Variants in CRYGN observed in about 807,000 individuals in gnomAD.
CRYGN encodes the protein crystallin gamma N.
In CRYGN, 17 loss-of-function variants were observed where a neutral mutation model predicts 19.2. That is an observed-to-expected ratio of 0.89 (90% CI 0.61 to 1.33). CRYGN has a LOEUF of 1.33. Among genes scored for constraint, CRYGN ranks in the 40% most tolerant of loss-of-function variants. The pLI is 0.00. For missense variants in CRYGN, 239 were observed against 239.6 expected (o/e 1.00, Z 0.02); for synonymous variants, 84 against 85.8 (o/e 0.98, Z 0.12).
At position 151,440,069 on chromosome 7, in the gene CRYGN, C is replaced by T; in HGVS notation, c.-152G>A. 2 of 1,360,426 alleles carry T rather than the reference C, an allele frequency of 1.5e-6. No individual in the cohort carries two copies. The highest frequency in any genetic ancestry group is 1.9e-6 in the Non-Finnish European group (2 of 1,060,394). 84.3% of individuals were successfully genotyped at this position (1,360,426 alleles called of 1,614,324 possible). Reference sequence around the variant, plus strand: ...CCGAGGGGCCACCAGGCGGTTGGGACCCGCCGCGGCCACCCTGTGCCACCG... The same window carrying T: ...CCGAGGGGCCACCAGGCGGTTGGGATCCGCCGCGGCCACCCTGTGCCACCG... On this transcript the variant is annotated 5_prime_UTR_variant, in exon 1 of 4. Coordinates refer to ENST00000337323, the MANE Select transcript of CRYGN (RefSeq NM_144727.3).
At chr7:151,437,844 G>T (rs1196141798) in intron 2 of CRYGN, 152 bp downstream of exon 2, 2 of 1,507,126 alleles carry the variant, frequency 1.3e-6, no homozygotes, top group Non-Finnish European at 1.8e-6. Flanking sequence ...CTCACCTCAT[G>T]CCAGCAGGTG....
chr7:151,430,058 G>T lies in CRYGN; in HGVS notation c.539C>A (p.Ala180Glu), dbSNP rs1269372723. 2 of 1,111,566 alleles carry T rather than the reference G, an allele frequency of 1.8e-6. No individual in the cohort carries two copies. The highest frequency in any genetic ancestry group is 2.8e-6 in the Non-Finnish European group (2 of 720,662). The allele number at this position is 1,111,566 out of a possible 1,614,324, so 68.9% of individuals were successfully genotyped here. A position where few individuals can be genotyped will look rare whatever the true frequency, so the allele number is the denominator to read the frequency against. The change falls in exon 4 of 4, where the codon GCA (alanine) becomes GAA (glutamate). Residue 180 changes from alanine to glutamate, a missense_variant. Coordinates refer to ENST00000337323, the MANE Select transcript of CRYGN (RefSeq NM_144727.3). This position sits in a 1 kb window ranked among gnomAD's most constrained non-coding sequence, Gnocchi z 5.2. Reference sequence around the variant, plus strand: ...CAATCGGTTCCAGGCTCAGAGGTTTGCAGTCAGGAAAGGTGGCTGGGTTGT... The same window carrying T: ...CAATCGGTTCCAGGCTCAGAGGTTTTCAGTCAGGAAAGGTGGCTGGGTTGT... ...PATTQPPFLT[A>E]NL is the part of the protein sequence containing the mutation.
At position 151,431,231 on chromosome 7, in the gene CRYGN, C is replaced by T. The variant is rs978747384; in HGVS notation, c.417-1051G>A. On this transcript the variant is annotated intron_variant, in intron 3 of 3. Coordinates refer to ENST00000337323, the MANE Select transcript of CRYGN (RefSeq NM_144727.3). The surrounding 1 kb of genome is among the most constrained non-coding windows in gnomAD (Gnocchi z 4.8). ...TCCCCTCGTGGGACCTTTCCTCTCT[C>T]CCCAGTGAGTTGGAAGCATAGGCGT... Among the ~76,000 whole-genome samples the T allele has an allele frequency of 3.9e-5, 6 of 152,164 alleles. No individual in the cohort carries two copies. The highest frequency in any genetic ancestry group is 8.8e-5 in the Non-Finnish European group (6 of 68,016).
In CRYGN at chr7:151,430,176, A is replaced by G. The variant is rs1476000448; in HGVS notation, c.421T>C (p.Trp141Arg). 6.2e-7 allele frequency: 1 copy of G among 1,613,754 alleles called. No individual in the cohort carries two copies. The highest frequency in any genetic ancestry group is 2.2e-5 in the East Asian group (1 of 44,890). ...TIKVYGDGAA[W>R]SPRSFGAEDF... is the part of the protein sequence containing the mutation. ...TCAGCTCCGAAGCTTCTAGGGCTCC[A>G]TGCTCTGTGGTTTGCAGGTGAAAGG... is the stretch of plus-strand genomic sequence containing the variant. The change falls in exon 4 of 4, where the codon TGG (tryptophan) becomes CGG (arginine). Residue 141 changes from tryptophan (W) to arginine (R), a missense_variant. Transcript: ENST00000337323. The surrounding 1 kb of genome is among the most constrained non-coding windows in gnomAD (Gnocchi z 5.2).
chr7:151,439,413 G>A (rs1189203229), intron 1 of CRYGN, among the ~76,000 whole-genome samples: 1 of 152,178 alleles, frequency 6.6e-6, no homozygotes, highest in Non-Finnish European at 1.5e-5. Flanking sequence ...CACCAGGCAC[G>A]GCTGGTAGAG....
At chr7:151,439,428 C>A (rs1363592933) in intron 1 of CRYGN, among the ~76,000 whole-genome samples, 2 of 152,144 alleles carry the variant, frequency 1.3e-5, no homozygotes. Context: ...GTAGAGGGCC[C>A]CTGAAACCTT....
chr7:151,438,253 G>C lies in CRYGN; in HGVS notation c.22-9C>G. 6.2e-7 allele frequency: 1 copy of C among 1,602,790 alleles called. No individual in the cohort carries two copies. Among genetic ancestry groups the C allele is most frequent in the Non-Finnish European group, 8.5e-7 (1 of 1,174,648 alleles). ...CCTTCATAGAGAGTGATCTAGAAAGGGCAGGTTACAGAGCTCAGGGTCAGG... is the reference window on the plus strand; with the variant it reads ...CCTTCATAGAGAGTGATCTAGAAAGCGCAGGTTACAGAGCTCAGGGTCAGG... On this transcript the variant is annotated splice_polypyrimidine_tract_variant and intron_variant, in intron 1 of 3. Transcript: ENST00000337323.
Position 151,436,357 on chromosome 7 carries a change from G to A in CRYGN, c.271-32C>T. 6.9e-7 allele frequency: 1 copy of A among 1,446,306 alleles called. No individual in the cohort carries two copies. Among genetic ancestry groups the A allele is most frequent in the Non-Finnish European group, 9.3e-7 (1 of 1,077,830 alleles). The allele number at this position is 1,446,306 out of a possible 1,614,324, so 89.6% of individuals were successfully genotyped here. A position where few individuals can be genotyped will look rare whatever the true frequency, so the allele number is the denominator to read the frequency against. ...GACCAAGCAAAAAAGAAGGAAAGAA[G>A]GAGGTTGCTGTGAATTCCCCTCTCC... On this transcript the variant is annotated intron_variant, in intron 2 of 3. Transcript: ENST00000337323. This position sits in a 1 kb window ranked among gnomAD's most constrained non-coding sequence, Gnocchi z 5.1.
rs1458325075 is a variant in CRYGN, at chr7:151,439,887, A to G, written c.21+10T>C. On this transcript the variant is annotated intron_variant, in intron 1 of 3. Transcript: ENST00000337323. Reference sequence around the variant, plus strand: ...CACTCGGTTTCCTTGGGGTTGAGGGACGCACTCACCTTCCCCGAGCGCTGC... The same window carrying G: ...CACTCGGTTTCCTTGGGGTTGAGGGGCGCACTCACCTTCCCCGAGCGCTGC... 1 of 1,557,178 alleles carries G rather than the reference A, an allele frequency of 6.4e-7. No individual in the cohort carries two copies.
At position 151,435,157 on chromosome 7, in the gene CRYGN, C is replaced by T. The variant is rs1443768742; in HGVS notation, c.416+1023G>A. ...CCTCCGAAGCTCCCTGGCCTTGAACCTCTGTAGTATAGACGGCAAATTGTT... is the reference window on the plus strand; with the variant it reads ...CCTCCGAAGCTCCCTGGCCTTGAACTTCTGTAGTATAGACGGCAAATTGTT... On this transcript the variant is annotated intron_variant, in intron 3 of 3. Coordinates refer to ENST00000337323, the MANE Select transcript of CRYGN (RefSeq NM_144727.3). This position sits in a 1 kb window ranked among gnomAD's most constrained non-coding sequence, Gnocchi z 4.2. Among the ~76,000 whole-genome samples, 2 of 152,196 alleles carry T rather than the reference C, an allele frequency of 1.3e-5. No individual in the cohort carries two copies. Among genetic ancestry groups the T allele is most frequent in the Non-Finnish European group, 2.9e-5 (2 of 68,042 alleles).
chr7:151,430,177 T>C lies in CRYGN; in HGVS notation c.420A>G (p.Ala140=). 6.2e-7 allele frequency: 1 copy of C among 1,613,860 alleles called. No homozygotes were observed. The highest frequency in any genetic ancestry group is 8.5e-7 in the Non-Finnish European group (1 of 1,180,010). ...NTIKVYGDGA[A]WSPRSFGAED... is the part of the protein sequence containing the mutation. The stretch of plus-strand genomic sequence containing the variant: ...CAGCTCCGAAGCTTCTAGGGCTCCA[T>C]GCTCTGTGGTTTGCAGGTGAAAGGA... The change falls in exon 4 of 4, where the codon GCA becomes GCG. Residue 140 remains alanine, a synonymous_variant. Transcript: ENST00000337323. This position sits in a 1 kb window ranked among gnomAD's most constrained non-coding sequence, Gnocchi z 5.2.
At position 151,440,024 on chromosome 7, in the gene CRYGN, T is replaced by C; in HGVS notation, c.-107A>G. ...TGCTGGGCCGGCCCCGGAGCGTTAG[T>C]GCTGTCGGGCGTGCTAAGCCCGAGG... On this transcript the variant is annotated 5_prime_UTR_variant, in exon 1 of 4. Coordinates refer to ENST00000337323, the MANE Select transcript of CRYGN (RefSeq NM_144727.3). 1.4e-6 allele frequency: 2 copies of C among 1,391,850 alleles called. No individual in the cohort carries two copies. The highest frequency in any genetic ancestry group is 1.9e-6 in the Non-Finnish European group (2 of 1,071,112). 86.2% of individuals were successfully genotyped at this position (1,391,850 alleles called of 1,614,324 possible). A position where few individuals can be genotyped will look rare whatever the true frequency, so the allele number is the denominator to read the frequency against.
chr7:151,440,216 G>C (rs112065546), upstream of CRYGN: 11 of 693,706 alleles, frequency 1.6e-5, 1 homozygote, highest in African/African-American at 9.4e-5. Flanking sequence ...TGGAGTGGTG[G>C]GGGGAGGAGG....
chr7:151,431,384 G>T lies in CRYGN; in HGVS notation c.417-1204C>A, dbSNP rs886879932. ...CTCCCCTCTGCCCCTCAAGGGTGGG[G>T]TGTCCCCTCTAGATTCAAGCCCACC... On this transcript the variant is annotated intron_variant, in intron 3 of 3. Transcript: ENST00000337323. The surrounding 1 kb of genome is among the most constrained non-coding windows in gnomAD (Gnocchi z 4.8). Among the ~76,000 whole-genome samples the T allele has an allele frequency of 6.6e-6, 1 of 152,152 alleles. No individual in the cohort carries two copies. The highest frequency in any genetic ancestry group is 6.5e-5 in the Admixed American group (1 of 15,282).
Position 151,438,156 on chromosome 7 carries a change from T to C in CRYGN, c.110A>G (p.Asn37Ser). 6.2e-7 allele frequency: 1 copy of C among 1,614,196 alleles called. No homozygotes were observed. The highest frequency in any genetic ancestry group is 2.2e-5 in the East Asian group (1 of 44,886). Residue 37 changes from asparagine (N) to serine (S), a missense_variant, in exon 2 of 4, where the codon AAC becomes AGC. Physicochemically the swap from Asn to Ser is conservative, Grantham distance 46. Transcript: ENST00000337323. Reference protein sequence around the residue: ...CDNFQDRGFMNRVNSIHVESG... With the variant: ...CDNFQDRGFMSRVNSIHVESG... ...CTCCACGTGGATGGAGTTCACTCGG[T>C]TCATAAAGCCCCGGTCCTGGAAGTT...
chr7:151,440,787 G>A (rs1563083709), upstream of CRYGN: 1 of 152,762 alleles, frequency 6.5e-6, no homozygotes, highest in Admixed American at 6.5e-5. Context: ...AGTTCCCCAG[G>A]GCCCAGAACG....
rs558855899 is a variant in CRYGN at position 151,431,503 on chromosome 7, G to A, written c.417-1323C>T. ...GCTGCACCAGCTGAAGACGCGAGCC[G>A]CCGGTTCTGGGTCTGCCAGCCCTAC... On this transcript the variant is annotated intron_variant, in intron 3 of 3. Coordinates refer to ENST00000337323, the MANE Select transcript of CRYGN (RefSeq NM_144727.3). This position sits in a 1 kb window ranked among gnomAD's most constrained non-coding sequence, Gnocchi z 4.8. 2.0e-5 allele frequency among the ~76,000 whole-genome samples: 3 copies of A among 152,256 alleles called. No homozygotes were observed. The highest frequency in any genetic ancestry group is 3.9e-4 in the East Asian group (2 of 5,172).
intron 1 of CRYGN, among the ~76,000 whole-genome samples, chr7:151,439,342 G>A (rs1801703003): frequency 6.6e-6 from 1 of 152,220 alleles, no homozygotes. Flanking sequence ...GGCTTCATGG[G>A]AGTGGCTAGG....
Position 151,433,366 on chromosome 7 carries a change from G to A in CRYGN, c.416+2814C>T, listed in dbSNP as rs6464141. ...GCCTTTGCCTGGAAAGGGGCATGTGGTCCAAGGAAGACACCTCAGGACAGC... is the reference window on the plus strand; with the variant it reads ...GCCTTTGCCTGGAAAGGGGCATGTGATCCAAGGAAGACACCTCAGGACAGC... On this transcript the variant is annotated intron_variant, in intron 3 of 3. Transcript: ENST00000337323. This position sits in a 1 kb window ranked among gnomAD's most constrained non-coding sequence, Gnocchi z 5.1. The A allele has an allele frequency of 0.16, 25,025 of 153,170 alleles. 2,048 individuals are homozygous for A. Among genetic ancestry groups the A allele is most frequent in the Middle Eastern group, 0.18 (56 of 310 alleles). 9.5% of individuals were successfully genotyped at this position (153,170 alleles called of 1,614,324 possible). A position where few individuals can be genotyped will look rare whatever the true frequency, so the allele number is the denominator to read the frequency against.
Sources: gnomAD v4.1 joint callset for allele counts (sites outside exome capture counted in the v4.1 genomes callset) on GRCh38, gnomAD v4.1.1 for gene constraint, Gnocchi (gnomAD v3.1) non-coding constraint, MANE v1.5 for transcripts, NCBI Gene and HGNC (gene_info 2026-07-23, HGNC 2026-07-21) for gene names.